The following CACNA1A variants were observed in gnomAD, a reference collection of about 807,000 sequenced individuals.
CACNA1A encodes the protein voltage-dependent P/Q-type calcium channel subunit alpha-1A.
A neutral mutation model predicts 262.4 loss-of-function variants in CACNA1A; 57 were observed. The observed-to-expected ratio is 0.22, with a 90% CI of 0.18 to 0.27. CACNA1A has a LOEUF of 0.27. Ranked by LOEUF, CACNA1A falls within the 10% of genes least tolerant of loss-of-function variation. CACNA1A has a pLI of 1.00. For synonymous variants in CACNA1A, 1,431 were observed against 1,419.3 expected (o/e 1.01, Z -0.18); for missense variants, 2,526 against 3,562.8 (o/e 0.71, Z 7.41).
intron 1 of CACNA1A, among the ~76,000 whole-genome samples, chr19:13,464,670 T>C (rs938597348): frequency 7.3e-5 from 11 of 150,188 alleles, no homozygotes; most frequent in Non-Finnish European, 1.6e-4. Context: ...TGCCTCAGCC[T>C]CCCGAGTAGC....
chr19:13,414,185 G>C (rs2060181777), intron 3 of CACNA1A, among the ~76,000 whole-genome samples: 3 of 151,752 alleles, frequency 2.0e-5, no homozygotes, highest in Admixed American at 1.3e-4. Context: ...TTGAGTCCGG[G>C]AGTTTGAGAC....
At chr19:13,281,438 C>T (rs2057288847) in intron 22 of CACNA1A, among the ~76,000 whole-genome samples, 1 of 150,384 alleles carries the variant, frequency 6.6e-6, no homozygotes, top group Non-Finnish European at 1.5e-5. Context: ...CAAAAACGCT[C>T]ATTCCAGAAG....
chr19:13,291,561 G>A (rs546407491), intron 19 of CACNA1A, among the ~76,000 whole-genome samples: 1 of 151,388 alleles, frequency 6.6e-6, no homozygotes, highest in Non-Finnish European at 1.5e-5. Flanking sequence ...CACTTTGGGA[G>A]GCTGAGGAAG....
chr19:13,367,240 A>G (rs2059230108), intron 4 of CACNA1A, among the ~76,000 whole-genome samples: 1 of 143,690 alleles, frequency 7.0e-6, no homozygotes, highest in African/African-American at 2.6e-5. Flanking sequence ...GGTTGCAGTG[A>G]GCCAAGATGA....
chr19:13,296,072 C>T (rs1426928849), intron 19 of CACNA1A, among the ~76,000 whole-genome samples: 2 of 152,146 alleles, frequency 1.3e-5, no homozygotes, highest in East Asian at 3.8e-4. Context: ...GTATGGTGTA[C>T]ATATCAGAAT....
At chr19:13,229,048 A>T (rs755014987) in intron 36 of CACNA1A, 37 of 203,216 alleles carry the variant, frequency 1.8e-4, no homozygotes, top group East Asian at 3.5e-4. Context: ...CACAGTCTAC[A>T]TGGGCTACAG....
At chr19:13,278,404 C>T (rs1206125887) in intron 22 of CACNA1A, among the ~76,000 whole-genome samples, 2 of 152,178 alleles carry the variant, frequency 1.3e-5, no homozygotes, top group South Asian at 2.1e-4. Context: ...GGAATGCTTT[C>T]CCCCACATCC....
intron 27 of CACNA1A, chr19:13,259,149 T>TG (rs2056651928): frequency 1.3e-5 from 2 of 150,960 alleles, no homozygotes; most frequent in Admixed American, 6.6e-5. Flanking sequence ...CTTTTTTTTT[T>TG]TTTTGAAGGC....
intron 31 of CACNA1A, among the ~76,000 whole-genome samples, chr19:13,240,749 C>CTG (rs79937677): frequency 2.7e-4 from 40 of 150,002 alleles, no homozygotes; most frequent in South Asian, 4.2e-4. Flanking sequence ...CGTGCAGCGT[C>CTG]TGTGTGCAGT....
chr19:13,276,697 CTTTTTTTT>C (rs33970596), intron 23 of CACNA1A, among the ~76,000 whole-genome samples: 33 of 125,446 alleles, frequency 2.6e-4, no homozygotes, highest in African/African-American at 9.5e-4. Flanking sequence ...AATCCCAGCT[CTTTTTTTT>C]TTTTTTTTTT....
At chr19:13,349,168 G>A (rs754112344) in intron 6 of CACNA1A, among the ~76,000 whole-genome samples, 1 of 152,116 alleles carries the variant, frequency 6.6e-6, no homozygotes, top group Non-Finnish European at 1.5e-5. Flanking sequence ...TCACCCTGTG[G>A]GCCTCCGTTT....
Position 13,308,337 on chromosome 19 carries a change from C to A in CACNA1A, c.1781+79G>T. On this transcript the variant is annotated intron_variant, in intron 13 of 46. Transcript: ENST00000360228. The surrounding 1 kb of genome is among the most constrained non-coding windows in gnomAD (Gnocchi z 4.2). ...GCCCTCGAAACACGAGGCTCACTTT[C>A]CCAACTTTCTGGAGGCGGCCCCACC... is the stretch of plus-strand genomic sequence containing the variant. 1 of 1,559,568 alleles carries A rather than the reference C, an allele frequency of 6.4e-7. No individual in the cohort carries two copies.
chr19:13,482,608 T>C (rs1450151081), intron 1 of CACNA1A, among the ~76,000 whole-genome samples: 1 of 152,186 alleles, frequency 6.6e-6, no homozygotes, highest in Non-Finnish European at 1.5e-5. Context: ...ATGGACTGAA[T>C]TTCTCAGTTC....
At chr19:13,391,759 G>A (rs1193484343) in intron 3 of CACNA1A, among the ~76,000 whole-genome samples, 2 of 151,996 alleles carry the variant, frequency 1.3e-5, no homozygotes, top group African/African-American at 2.4e-5. Context: ...AGCCATGGCC[G>A]GGCGTGCTGG....
intron 24 of CACNA1A, among the ~76,000 whole-genome samples, chr19:13,266,629 A>C (rs1441311283): frequency 6.6e-6 from 1 of 152,092 alleles, no homozygotes; most frequent in Non-Finnish European, 1.5e-5. Context: ...GGTGGAGTGC[A>C]GTGGTGCAAT....
At chr19:13,345,542 C>T (rs2058748941) in intron 6 of CACNA1A, among the ~76,000 whole-genome samples, 1 of 152,052 alleles carries the variant, frequency 6.6e-6, no homozygotes, top group Non-Finnish European at 1.5e-5. Context: ...TCCTTCAGTG[C>T]CTTCTGTTTT....
chr19:13,489,382 G>A (rs926920435), intron 1 of CACNA1A, among the ~76,000 whole-genome samples: 12 of 151,894 alleles, frequency 7.9e-5, no homozygotes, highest in East Asian at 3.9e-4. Context: ...TAGGTCTCCC[G>A]GGCTCAAGAG....
intron 3 of CACNA1A, among the ~76,000 whole-genome samples, chr19:13,413,323 G>T (rs576698735): frequency 6.6e-6 from 1 of 151,122 alleles, no homozygotes; most frequent in African/African-American, 2.4e-5. Flanking sequence ...AGCCAGGATG[G>T]TCTCAATCTC....
At chr19:13,240,680 G>A (rs1343858311) in intron 31 of CACNA1A, among the ~76,000 whole-genome samples, 1 of 150,554 alleles carries the variant, frequency 6.6e-6, no homozygotes, top group Non-Finnish European at 1.5e-5. Flanking sequence ...TGTGTGTGCA[G>A]TGTCTGTGTG....
Sources: gnomAD v4.1 joint callset for allele counts (sites outside exome capture counted in the v4.1 genomes callset) on GRCh38, gnomAD v4.1.1 for gene constraint, Gnocchi (gnomAD v3.1) non-coding constraint, MANE v1.5 for transcripts, NCBI Gene and HGNC (gene_info 2026-07-23, HGNC 2026-07-21) for gene names.